Variants in ATE1 observed in about 807,000 individuals in gnomAD.
ATE1 encodes arginyl-tRNA--protein transferase 1.
ATE1 carries 36 observed loss-of-function variants against 70.5 expected under a neutral mutation model. The ratio of observed to expected loss-of-function variants is 0.51; its 90% CI spans 0.39 to 0.67. The LOEUF is 0.67. ATE1 is among the 30% of genes least tolerant of loss of function. The probability of loss-of-function intolerance (pLI) is 0.00; values close to 1 mark genes in which losing one functional copy is unlikely to be tolerated. For missense variants in ATE1, 593 were observed against 629.5 expected, an observed-to-expected ratio of 0.94 and a Z score of 0.62; for synonymous variants, 232 against 219.3, an observed-to-expected ratio of 1.06 and a Z score of -0.51.
chr10:121,773,811 A>G (rs1945620947), intron 11 of ATE1, among the ~76,000 whole-genome samples: 1 of 152,206 alleles, frequency 6.6e-6, no homozygotes, highest in Non-Finnish European at 1.5e-5. Context: ...CTAGAAACAA[A>G]ACAGTACTAT....
intron 8 of ATE1, among the ~76,000 whole-genome samples, chr10:121,848,915 A>C (rs183147314): frequency 6.7e-6 from 1 of 149,978 alleles, no homozygotes; most frequent in Non-Finnish European, 1.5e-5. Flanking sequence ...CCTCTAAAAA[A>C]AAAAGTATTT....
chr10:121,841,716 T>TGAGGACACAAAAACATAAG (rs1948636889), intron 8 of ATE1, among the ~76,000 whole-genome samples: 2 of 152,088 alleles, frequency 1.3e-5, no homozygotes, highest in South Asian at 4.1e-4. Flanking sequence ...AGCTAAGCTA[T>TGAGGACACAAAAACATAAG]GAGGACACAA....
In ATE1 at chr10:121,841,088, G is replaced by C; in HGVS notation, c.1151C>G (p.Ala384Gly). The C allele has an allele frequency of 6.4e-7, 1 of 1,555,120 alleles. No individual in the cohort carries two copies. The highest frequency in any genetic ancestry group is 1.2e-5 in the South Asian group (1 of 80,284). Residue 384 changes from alanine (A) to glycine (G), a missense_variant, in exon 9 of 12, where the codon GCA becomes GGA. Ala to Gly is a moderately conservative substitution (Grantham distance 60). This residue lies in a region of ATE1 where 467 missense variants were observed against 469.6 expected (regional missense o/e 0.99). Coordinates refer to ENST00000224652, the MANE Select transcript of ATE1 (RefSeq NM_001001976.3). The part of the protein sequence containing the change: ...YSFLSLGVYS[A>G]LREIAFTRQL... ...CGGCAAAAAGCAATCTTACCGTAGT[G>C]CAGAGTAGACGCCCAAAGACAAAAA...
intron 11 of ATE1, among the ~76,000 whole-genome samples, chr10:121,776,164 T>C (rs998382561): frequency 5.3e-5 from 8 of 152,200 alleles, no homozygotes; most frequent in African/African-American, 1.9e-4. Context: ...CTTATTTCTC[T>C]GTGTTAGGAA....
At chr10:121,874,958 G>A (rs1407364065) in intron 7 of ATE1, among the ~76,000 whole-genome samples, 2 of 150,566 alleles carry the variant, frequency 1.3e-5, no homozygotes, top group Admixed American at 1.3e-4. Flanking sequence ...GGCTAACACA[G>A]TGAAACCCCA....
chr10:121,916,018 C>A (rs946502320), intron 3 of ATE1, among the ~76,000 whole-genome samples: 12 of 151,524 alleles, frequency 7.9e-5, no homozygotes, highest in Non-Finnish European at 1.8e-4. Context: ...GGGCAGATCA[C>A]AAGGTCAGGA....
chr10:121,789,417 G>A, intron 11 of ATE1, among the ~76,000 whole-genome samples: 1 of 148,132 alleles, frequency 6.8e-6, no homozygotes, highest in East Asian at 2.0e-4. Context: ...TCCTGCCTCA[G>A]CCTCCTGACT....
intron 11 of ATE1, among the ~76,000 whole-genome samples, chr10:121,774,839 C>T (rs1339543191): frequency 6.6e-6 from 1 of 151,974 alleles, no homozygotes; most frequent in African/African-American, 2.4e-5. Flanking sequence ...AATGACCCCC[C>T]CCAAAAAAAT....
chr10:121,894,915 T>C (rs971742161), intron 7 of ATE1, among the ~76,000 whole-genome samples: 4 of 149,040 alleles, frequency 2.7e-5, no homozygotes, highest in African/African-American at 9.9e-5. Context: ...AATAAATAAA[T>C]AAAAAATAAA....
At chr10:121,759,826 T>C (rs1432146211) in intron 11 of ATE1, among the ~76,000 whole-genome samples, 2 of 152,074 alleles carry the variant, frequency 1.3e-5, no homozygotes, top group South Asian at 2.1e-4. Context: ...AGAAGGTGGC[T>C]ACACTAAACC....
At chr10:121,884,141 T>C (rs1219939501) in intron 7 of ATE1, among the ~76,000 whole-genome samples, 3 of 137,960 alleles carry the variant, frequency 2.2e-5, no homozygotes, top group Non-Finnish European at 4.6e-5. Context: ...AGCACTGCAA[T>C]TTCAGGACAT....
At chr10:121,927,448 C>A in intron 1 of ATE1, 1 of 985,306 alleles carries the variant, frequency 1.0e-6, no homozygotes, top group South Asian at 4.7e-5. Context: ...ACCCACAGCT[C>A]CCTCTGCACC....
chr10:121,796,388 C>A lies in ATE1; in HGVS notation c.1258-6099G>T, dbSNP rs531184332. On this transcript the variant is annotated intron_variant, in intron 10 of 11. Coordinates refer to ENST00000224652, the MANE Select transcript of ATE1 (RefSeq NM_001001976.3). ...TGAGGGATCATCACTCAGTTCAAAG[C>A]CGTCAAAGGGAAAAGTTCAGCAAAT... 3.9e-5 allele frequency among the ~76,000 whole-genome samples: 6 copies of A among 152,202 alleles called. No individual in the cohort carries two copies. The South Asian group carries it at 1.2e-3, about 32-fold the overall frequency.
chr10:121,884,575 G>C (rs1194472860), intron 7 of ATE1, among the ~76,000 whole-genome samples: 4 of 152,012 alleles, frequency 2.6e-5, no homozygotes, highest in Admixed American at 2.6e-4. Context: ...GGGTGACACA[G>C]CAAGAGCCTA....
At chr10:121,928,085 G>A, upstream of ATE1, 2 of 1,209,312 alleles carry the variant, frequency 1.7e-6, no homozygotes, top group South Asian at 4.0e-5. Flanking sequence ...CGCAGGCCCG[G>A]CCGGCCCGGC....
chr10:121,753,137 T>C (rs931829441), intron 11 of ATE1, among the ~76,000 whole-genome samples: 3 of 152,248 alleles, frequency 2.0e-5, no homozygotes, highest in Admixed American at 6.5e-5. Flanking sequence ...CATTTTTAAA[T>C]TGCTCACTGT....
intron 11 of ATE1, among the ~76,000 whole-genome samples, chr10:121,748,495 A>G (rs1590202800): frequency 6.6e-6 from 1 of 152,168 alleles, no homozygotes; most frequent in South Asian, 2.1e-4. Context: ...AAACACTACA[A>G]TATCTATGTT....
intron 10 of ATE1, among the ~76,000 whole-genome samples, chr10:121,809,728 T>G (rs1330521714): frequency 2.0e-5 from 3 of 151,902 alleles, no homozygotes; most frequent in Non-Finnish European, 4.4e-5. Flanking sequence ...ACTTAGGGAC[T>G]TACACATCAA....
intron 8 of ATE1, among the ~76,000 whole-genome samples, chr10:121,858,630 T>C (rs1481919303): frequency 6.8e-6 from 1 of 146,100 alleles, no homozygotes; most frequent in South Asian, 2.1e-4. Context: ...CCTTATTATA[T>C]ATATATAATA....
Sources: gnomAD v4.1 joint callset for allele counts (sites outside exome capture counted in the v4.1 genomes callset) on GRCh38, gnomAD v4.1.1 for gene constraint, gnomAD v4.1.1 regional missense constraint, MANE v1.5 for transcripts, NCBI Gene and HGNC (gene_info 2026-07-23, HGNC 2026-07-21) for gene names.